Variants in PROM1 observed in about 807,000 individuals in gnomAD.
PROM1 encodes prominin-1.
Under a neutral mutation model 116.9 loss-of-function variants are expected in PROM1, and 105 were observed. The observed-to-expected ratio is 0.90, with a 90% CI of 0.77 to 1.06. The LOEUF is 1.06. PROM1 is among the 50% of genes least tolerant of loss of function. PROM1 has a pLI of 0.00. For missense variants in PROM1, 1,122 were observed against 1,045.2 expected (o/e 1.07, Z -1.01); for synonymous variants, 393 against 387.0 (o/e 1.02, Z -0.18).
At chr4:15,974,756 C>T (rs924900427) in intron 26 of PROM1, among the ~76,000 whole-genome samples, 2 of 152,318 alleles carry the variant, frequency 1.3e-5, no homozygotes, top group Non-Finnish European at 2.9e-5. Flanking sequence ...AAGGCGTGAG[C>T]CACCGCATCA....
intron 23 of PROM1, among the ~76,000 whole-genome samples, chr4:15,980,799 A>T (rs1280059929): frequency 6.6e-6 from 1 of 152,074 alleles, no homozygotes; most frequent in Admixed American, 6.5e-5. Context: ...AGGAGCAGAA[A>T]CAGCAAGTGG....
chr4:15,971,500 T>A (rs1248964706), intron 26 of PROM1: 2 of 161,388 alleles, frequency 1.2e-5, no homozygotes, highest in Non-Finnish European at 2.7e-5. Flanking sequence ...TTGTTACAAC[T>A]ACAAATTCCT....
At chr4:16,074,429 A>G (rs1743510908) in intron 2 of PROM1, among the ~76,000 whole-genome samples, 1 of 152,232 alleles carries the variant, frequency 6.6e-6, no homozygotes, top group Admixed American at 6.5e-5. Context: ...TAAGTCTCCA[A>G]ATAAGCCAAG....
At chr4:16,064,430 G>A (rs755727104) in intron 2 of PROM1, among the ~76,000 whole-genome samples, 2 of 152,120 alleles carry the variant, frequency 1.3e-5, no homozygotes, top group African/African-American at 2.4e-5. Flanking sequence ...TCAGGCGGGC[G>A]TTACCCTTGG....
chr4:16,012,384 G>A (rs554136644), intron 11 of PROM1, among the ~76,000 whole-genome samples: 2 of 152,150 alleles, frequency 1.3e-5, no homozygotes, highest in South Asian at 4.1e-4. Context: ...CCCTCTGTAC[G>A]TTCACCCCAA....
intron 5 of PROM1, among the ~76,000 whole-genome samples, chr4:16,029,358 T>TA (rs1403517423): frequency 1.0e-5 from 1 of 96,340 alleles, no homozygotes; most frequent in Non-Finnish European, 2.4e-5. Flanking sequence ...AGTCAAGTCA[T>TA]GGTTTTTTTT....
At chr4:16,022,841 A>G (rs1730243273) in intron 8 of PROM1, among the ~76,000 whole-genome samples, 2 of 152,208 alleles carry the variant, frequency 1.3e-5, no homozygotes, top group Admixed American at 1.3e-4. Flanking sequence ...TCTTTCAGGA[A>G]GGAAAAAGGA....
At chr4:16,041,778 A>G in intron 2 of PROM1, among the ~76,000 whole-genome samples, 1 of 31,600 alleles carries the variant, frequency 3.2e-5, no homozygotes, top group African/African-American at 1.9e-4. Flanking sequence ...AAATAAATAA[A>G]TAAATAAATA....
At chr4:15,981,106 C>T (rs529189888) in intron 23 of PROM1, among the ~76,000 whole-genome samples, 3 of 151,422 alleles carry the variant, frequency 2.0e-5, no homozygotes, top group South Asian at 2.1e-4. Flanking sequence ...GGGCTACAGG[C>T]GTCCGCCACC....
intron 2 of PROM1, among the ~76,000 whole-genome samples, chr4:16,045,069 G>A (rs150056782): frequency 4.1e-3 from 627 of 152,140 alleles, no homozygotes; most frequent in African/African-American, 0.014. Context: ...GGGATCCCAC[G>A]GCCTTCAACA....
chr4:16,041,554 G>A (rs1020365953), intron 2 of PROM1, among the ~76,000 whole-genome samples: 4 of 151,860 alleles, frequency 2.6e-5, no homozygotes, highest in African/African-American at 9.7e-5. Flanking sequence ...AAGGACAGAG[G>A]ATTGCTGAGC....
At chr4:16,056,429 C>T (rs999927585) in intron 2 of PROM1, among the ~76,000 whole-genome samples, 1 of 152,032 alleles carries the variant, frequency 6.6e-6, no homozygotes, top group Non-Finnish European at 1.5e-5. Context: ...TTGTGGGCAC[C>T]ACTCCAGATT....
At chr4:15,973,918 A>C (rs3775951) in intron 26 of PROM1, among the ~76,000 whole-genome samples, 112,935 of 152,040 alleles carry the variant, frequency 0.74, 42,265 homozygotes, top group African/African-American at 0.84. Context: ...CGATGTGGGG[A>C]CTGCGCAGGA....
At chr4:16,082,277 T>C (rs777357593) in intron 1 of PROM1, 2 of 151,708 alleles carry the variant, frequency 1.3e-5, no homozygotes, top group Non-Finnish European at 2.9e-5. Context: ...TATTCACATC[T>C]TCCATCCAAA....
intron 5 of PROM1, 118 bp downstream of exon 5, chr4:16,033,186 G>T (rs1733143119): frequency 5.8e-6 from 5 of 861,482 alleles, no homozygotes; most frequent in Admixed American, 6.0e-5. Flanking sequence ...TGTTTGGTGG[G>T]TTTTTTTTTC....
At position 16,004,832 on chromosome 4, in the gene PROM1, T is replaced by TTCTTTCTTTTTTCTTC. The variant is rs1203366908; in HGVS notation, c.1454+1705_1454+1706insGAAGAAAAAAGAAAGA. On this transcript the variant is annotated intron_variant, in intron 13 of 27. Transcript: ENST00000447510. ...CTTTCTTTCTTTCTTTCTTTCTTTT[T>TTCTTTCTTTTTTCTTC]CTTCCTTCCTTCCTTCCTTCCTTCC... Among the ~76,000 whole-genome samples, 11 of 122,506 alleles carry TTCTTTCTTTTTTCTTC rather than the reference T, an allele frequency of 9.0e-5. 1 individual carries two copies. Among genetic ancestry groups the TTCTTTCTTTTTTCTTC allele is most frequent in the East Asian group, 7.3e-4 (3 of 4,092 alleles). The allele number at this position is 122,506 out of a possible 152,430, so 80.4% of individuals were successfully genotyped here.
chr4:16,068,975 C>T (rs1742188403), intron 2 of PROM1, among the ~76,000 whole-genome samples: 1 of 152,368 alleles, frequency 6.6e-6, no homozygotes, highest in African/African-American at 2.4e-5. Context: ...TGGCTCATGC[C>T]TGTAATCCTA....
Position 15,985,754 on chromosome 4 carries a change from A to C in PROM1, c.2280+6T>G, listed in dbSNP as rs757107941. The C allele has an allele frequency of 6.5e-7, 1 of 1,534,700 alleles. No individual in the cohort carries two copies. Among genetic ancestry groups the C allele is most frequent in the South Asian group, 1.1e-5 (1 of 87,648 alleles). ...CCTTAACATTCATAAAAGATAAACTACTTACAGAGAACTCGATCCACTGCA... is the reference window on the plus strand; with the variant it reads ...CCTTAACATTCATAAAAGATAAACTCCTTACAGAGAACTCGATCCACTGCA... On this transcript the variant is annotated splice_donor_region_variant and intron_variant, in intron 22 of 27. Coordinates refer to ENST00000447510, the MANE Select transcript of PROM1 (RefSeq NM_006017.3).
intron 26 of PROM1, among the ~76,000 whole-genome samples, chr4:15,977,907 A>AT (rs1158318724): frequency 1.5e-4 from 23 of 152,128 alleles, no homozygotes; most frequent in African/African-American, 5.6e-4. Flanking sequence ...CAAGAACTTG[A>AT]TTTTTTTAAT....
Sources: gnomAD v4.1 joint callset for allele counts (sites outside exome capture counted in the v4.1 genomes callset) on GRCh38, gnomAD v4.1.1 for gene constraint, MANE v1.5 for transcripts, NCBI Gene and HGNC (gene_info 2026-07-23, HGNC 2026-07-21) for gene names.